DAZAP1: variants seen among roughly 807,000 people sequenced by gnomAD.
DAZAP1 encodes DAZ associated protein 1.
DAZAP1 carries 6 observed loss-of-function variants against 60.1 expected under a neutral mutation model. The ratio of observed to expected loss-of-function variants is 0.10; its 90% CI spans 0.05 to 0.20. The LOEUF (loss-of-function observed/expected upper bound fraction) is 0.20, where lower values mean the gene tolerates loss of function less well. Among genes scored for constraint, DAZAP1 ranks in the 10% least tolerant of loss-of-function variants. The pLI, the probability that DAZAP1 is intolerant of heterozygous loss-of-function variation, is 1.00. For synonymous variants in DAZAP1, 235 were observed against 215.9 expected, an observed-to-expected ratio of 1.09 and a Z score of -0.78; for missense variants, 366 against 560.4, an observed-to-expected ratio of 0.65 and a Z score of 3.50.
chr19:1,429,887 G>A (rs566732198), intron 8 of DAZAP1, 80 bp from the exon 9 acceptor site: 25 of 1,536,998 alleles, frequency 1.6e-5, no homozygotes, highest in East Asian at 9.8e-5. Context: ...AGCCCTTGAC[G>A]TCCATGCTCT....
Position 1,428,622 on chromosome 19 carries a change from A to G in DAZAP1, c.547-220A>G. On this transcript the variant is annotated intron_variant, in intron 7 of 11. Transcript: ENST00000233078. The surrounding 1 kb of genome is among the most constrained non-coding windows in gnomAD (Gnocchi z 4.0). Reference sequence around the variant, plus strand: ...CGGGCTCTGTGTGTCTTACGGTTGCATCTGTTGTACCTGAGAAACATTTTT... The same window carrying G: ...CGGGCTCTGTGTGTCTTACGGTTGCGTCTGTTGTACCTGAGAAACATTTTT... The G allele has an allele frequency of 1.7e-6, 1 of 579,214 alleles. No individual in the cohort carries two copies. The highest frequency in any genetic ancestry group is 2.9e-6 in the Non-Finnish European group (1 of 341,608). 35.9% of individuals were successfully genotyped at this position (579,214 alleles called of 1,614,324 possible). A position where few individuals can be genotyped will look rare whatever the true frequency, so the allele number is the denominator to read the frequency against.
chr19:1,424,354 C>T (rs1172790195), intron 6 of DAZAP1, among the ~76,000 whole-genome samples: 1 of 119,458 alleles, frequency 8.4e-6, no homozygotes, highest in Non-Finnish European at 1.8e-5. Flanking sequence ...TCCTCCCCCT[C>T]CCCCTCCCCC....
intron 6 of DAZAP1, among the ~76,000 whole-genome samples, chr19:1,424,415 C>T (rs1057212696): frequency 3.2e-4 from 46 of 145,984 alleles, no homozygotes; most frequent in Non-Finnish European, 5.4e-4. Context: ...CGCTCAGGTG[C>T]ACACGTGTGC....
At position 1,433,964 on chromosome 19, in the gene DAZAP1, T is replaced by G; in HGVS notation, c.1049-773T>G. On this transcript the variant is annotated intron_variant, in intron 11 of 11. Coordinates refer to ENST00000233078, the MANE Select transcript of DAZAP1 (RefSeq NM_018959.4). This position sits in a 1 kb window ranked among gnomAD's most constrained non-coding sequence, Gnocchi z 6.1. The stretch of plus-strand genomic sequence containing the variant: ...GGGGCCCTTGCCGGTGCCAAGACAT[T>G]GGCCACAAGCCTTCAGCGGGCCCAG... 1 of 745,516 alleles carries G rather than the reference T, an allele frequency of 1.3e-6. No homozygotes were observed. Among genetic ancestry groups the G allele is most frequent in the Non-Finnish European group, 2.2e-6 (1 of 452,334 alleles). 46.2% of individuals were successfully genotyped at this position (745,516 alleles called of 1,614,324 possible).
chr19:1,424,598 A>T (rs376685101), intron 6 of DAZAP1, among the ~76,000 whole-genome samples: 157 of 151,650 alleles, frequency 1.0e-3, no homozygotes, highest in South Asian at 3.5e-3. Flanking sequence ...GAGGCCCCAC[A>T]GTAGGCTGCT....
In DAZAP1 at chr19:1,430,814, G is replaced by C. The variant is rs1033103956; in HGVS notation, c.871+452G>C. 1.1e-4 allele frequency among the ~76,000 whole-genome samples: 17 copies of C among 151,186 alleles called. No homozygotes were observed. The East Asian group carries it at 3.3e-3, about 29-fold the overall frequency. ...CGGCTCACTGCAAGCTCCGCCTCCT[G>C]GGTTCACACCATTCTCCTGCCTCAG... On this transcript the variant is annotated intron_variant, in intron 10 of 11. Coordinates refer to ENST00000233078, the MANE Select transcript of DAZAP1 (RefSeq NM_018959.4).
At chr19:1,417,669 C>A in intron 2 of DAZAP1, 129 bp downstream of exon 2, 1 of 867,062 alleles carries the variant, frequency 1.2e-6, no homozygotes, top group Non-Finnish European at 1.8e-6. Flanking sequence ...GTTCTGATTT[C>A]TGGGCAGGGG....
At chr19:1,417,226 C>G (rs936691591) in intron 1 of DAZAP1, 5 of 513,712 alleles carry the variant, frequency 9.7e-6, no homozygotes, top group Non-Finnish European at 1.7e-5. Flanking sequence ...TGGCCTGTCC[C>G]AGGAACTCAT....
intron 10 of DAZAP1, among the ~76,000 whole-genome samples, chr19:1,430,882 G>A (rs1453585390): frequency 2.6e-5 from 4 of 151,550 alleles, no homozygotes; most frequent in Non-Finnish European, 4.4e-5. Context: ...CACCACGCCC[G>A]GCTAATTTTT....
chr19:1,417,176 C>T (rs1196531725), intron 1 of DAZAP1: 1 of 404,628 alleles, frequency 2.5e-6, no homozygotes, highest in Non-Finnish European at 4.4e-6. Flanking sequence ...GCCTGTGTCC[C>T]ACTTGGCAGC....
chr19:1,426,869 C>T lies in DAZAP1; in HGVS notation c.546+909C>T, dbSNP rs982015509. The T allele has an allele frequency of 6.6e-5, 10 of 152,180 alleles. No homozygotes were observed. The highest frequency in any genetic ancestry group is 1.9e-4 in the African/African-American group (8 of 41,424). 9.4% of individuals were successfully genotyped at this position (152,180 alleles called of 1,614,324 possible). On this transcript the variant is annotated intron_variant, in intron 7 of 11. Transcript: ENST00000233078. This position sits in a 1 kb window ranked among gnomAD's most constrained non-coding sequence, Gnocchi z 5.4. ...TTGGTGCGGCAGCTTCTCCCGTTAA[C>T]GGAAGAAGACGCTTAGCCCCTCTGA... is the stretch of plus-strand genomic sequence containing the variant.
At chr19:1,419,769 G>A (rs909532035) in intron 4 of DAZAP1, among the ~76,000 whole-genome samples, 1 of 150,884 alleles carries the variant, frequency 6.6e-6, no homozygotes, top group Non-Finnish European at 1.5e-5. Flanking sequence ...TCACGGCAGC[G>A]AGCACTCACC....
rs755490287 is a variant in DAZAP1 at position 1,434,357 on chromosome 19, G to A, written c.1049-380G>A. ...CCCGTCAGGGGTTTTCTGAAACTCC[G>A]AGAGCCAGCTTTCTAGAAGCCTGGT... On this transcript the variant is annotated intron_variant, in intron 11 of 11. Coordinates refer to ENST00000233078, the MANE Select transcript of DAZAP1 (RefSeq NM_018959.4). This position sits in a 1 kb window ranked among gnomAD's most constrained non-coding sequence, Gnocchi z 8.0. 1.2e-4 allele frequency: 27 copies of A among 219,424 alleles called. No individual in the cohort carries two copies. The highest frequency in any genetic ancestry group is 2.2e-4 in the Non-Finnish European group (24 of 109,512). The allele number at this position is 219,424 out of a possible 1,614,324, so 13.6% of individuals were successfully genotyped here.
At chr19:1,421,356 C>T (rs1461221013) in intron 5 of DAZAP1, 98 bp downstream of exon 5, 24 of 1,045,880 alleles carry the variant, frequency 2.3e-5, no homozygotes, top group Admixed American at 8.5e-5. Context: ...CACAGGTGCA[C>T]GGGCCTTTCA....
In DAZAP1 at chr19:1,423,270, G is replaced by A. The variant is rs1032367693; in HGVS notation, c.463+874G>A. 1.3e-5 allele frequency among the ~76,000 whole-genome samples: 2 copies of A among 152,242 alleles called. No homozygotes were observed. The highest frequency in any genetic ancestry group is 4.8e-5 in the African/African-American group (2 of 41,452). ...TTAGGAGTGCTCCTCCTCCATGTCG[G>A]TTACGCTGTTAAGTCTTAGTCGTAA... On this transcript the variant is annotated intron_variant, in intron 6 of 11. Coordinates refer to ENST00000233078, the MANE Select transcript of DAZAP1 (RefSeq NM_018959.4). This position sits in a 1 kb window ranked among gnomAD's most constrained non-coding sequence, Gnocchi z 6.8.
Position 1,418,893 on chromosome 19 carries a change from C to T in DAZAP1, c.303+162C>T, listed in dbSNP as rs919760706. ...GAGGATCACCCAGATTTATCAGTGCCGTGAGTGTTTTACAGCCAAGAAAAT... is the reference window on the plus strand; with the variant it reads ...GAGGATCACCCAGATTTATCAGTGCTGTGAGTGTTTTACAGCCAAGAAAAT... On this transcript the variant is annotated intron_variant, in intron 4 of 11. Transcript: ENST00000233078. This position sits in a 1 kb window ranked among gnomAD's most constrained non-coding sequence, Gnocchi z 5.7. Among the ~76,000 whole-genome samples, 6 of 152,128 alleles carry T rather than the reference C, an allele frequency of 3.9e-5. No individual in the cohort carries two copies. Among genetic ancestry groups the T allele is most frequent in the Non-Finnish European group, 7.4e-5 (5 of 68,026 alleles).
chr19:1,421,276 C>T lies in DAZAP1; in HGVS notation c.414+18C>T, dbSNP rs1244147386. On this transcript the variant is annotated intron_variant, in intron 5 of 11. Coordinates refer to ENST00000233078, the MANE Select transcript of DAZAP1 (RefSeq NM_018959.4). Reference sequence around the variant, plus strand: ...TCGGAGTGGTGAGTTTCTCCCCACCCCGGCAGCACTGTGGGGACAGAGCCG... The same window carrying T: ...TCGGAGTGGTGAGTTTCTCCCCACCTCGGCAGCACTGTGGGGACAGAGCCG... 1 of 1,603,644 alleles carries T rather than the reference C, an allele frequency of 6.2e-7. No individual in the cohort carries two copies. Among genetic ancestry groups the T allele is most frequent in the African/African-American group, 1.3e-5 (1 of 74,754 alleles).
At chr19:1,413,503 C>G (rs2082885174) in intron 1 of DAZAP1, among the ~76,000 whole-genome samples, 1 of 152,220 alleles carries the variant, frequency 6.6e-6, no homozygotes, top group African/African-American at 2.4e-5. Context: ...AAGAGATGAC[C>G]CTGCTTTCCG....
rs757620239 is a variant in DAZAP1 at position 1,418,256 on chromosome 19, C to A, written c.123C>A (p.Ile41=). 7 of 1,614,196 alleles carry A rather than the reference C, an allele frequency of 4.3e-6. No homozygotes were observed. The East Asian group carries it at 1.3e-4, about 31-fold the overall frequency. The change falls in exon 3 of 12, where the codon ATC becomes ATA. Residue 41 remains isoleucine, a synonymous_variant. Transcript: ENST00000233078. The surrounding 1 kb of genome is among the most constrained non-coding windows in gnomAD (Gnocchi z 5.7). ...SQYGEVVDCV[I]MKDKTTNQSR... ...ATGGAGAAGTCGTAGATTGTGTTAT[C>A]ATGAAAGATAAAACCACCAACCAGT...
Sources: allele counts gnomAD v4.1 joint callset (sites outside exome capture counted in the v4.1 genomes callset), GRCh38; gene constraint gnomAD v4.1.1; non-coding constraint Gnocchi (gnomAD v3.1); transcripts MANE v1.5; gene names NCBI Gene and HGNC (gene_info 2026-07-23, HGNC 2026-07-21).